MUSK: variants seen among roughly 807,000 people sequenced by gnomAD.
MUSK encodes the protein muscle associated receptor tyrosine kinase.
MUSK carries 55 observed loss-of-function variants against 88.7 expected under a neutral mutation model. The ratio of observed to expected loss-of-function variants is 0.62; its 90% confidence interval spans 0.50 to 0.78. The LOEUF is 0.78. Among genes scored for constraint, MUSK ranks in the 30% least tolerant of loss-of-function variants. MUSK has a pLI of 0.00. For missense variants in MUSK, 1,015 were observed against 1,074.3 expected (o/e 0.94, Z 0.77); for synonymous variants, 387 against 391.9 (o/e 0.99, Z 0.15).
chr9:110,747,794 A>G lies in MUSK; in HGVS notation c.907A>G (p.Ile303Val), dbSNP rs1192511364. The G allele has an allele frequency of 6.2e-7, 1 of 1,613,762 alleles. No individual in the cohort carries two copies. The highest frequency in any genetic ancestry group is 8.5e-7 in the Non-Finnish European group (1 of 1,179,714). The change falls in exon 7 of 15, where the codon ATA (isoleucine) becomes GTA (valine). Residue 303 changes from isoleucine to valine, a missense_variant. Physicochemically the swap from Ile to Val is conservative, Grantham distance 29. Coordinates refer to ENST00000374448, the MANE Select transcript of MUSK (RefSeq NM_005592.4). ...STAKAAATISIAEWSKPQKDN... is the reference protein window; with the variant it reads ...STAKAAATISVAEWSKPQKDN... ...TGCCAAGGCTGCAGCCACCATCAGC[A>G]TAGCAGGTAGGATGCCCCTTCACAT...
In MUSK at chr9:110,806,013, TA is replaced by T. The variant is rs952061245; in HGVS notation, c.*5032del. ...GAAAGTAATACATAAAAATGTTGTT[TA>T]AAAAAACTCACAAGAGGGTAAAAAT... On this transcript the variant is annotated 3_prime_UTR_variant, in exon 15 of 15. Transcript: ENST00000374448. Among the ~76,000 whole-genome samples, 2 of 151,984 alleles carry T rather than the reference TA, an allele frequency of 1.3e-5. No homozygotes were observed. The highest frequency in any genetic ancestry group is 2.4e-5 in the African/African-American group (1 of 41,420).
chr9:110,692,128 GT>G (rs1456869755), intron 3 of MUSK, among the ~76,000 whole-genome samples: 2 of 151,210 alleles, frequency 1.3e-5, no homozygotes, highest in African/African-American at 4.9e-5. Flanking sequence ...GGTGGGCCTT[GT>G]TTTTTTGTTT....
intron 7 of MUSK, among the ~76,000 whole-genome samples, chr9:110,756,268 A>G (rs2077323194): frequency 6.6e-6 from 1 of 151,954 alleles, no homozygotes. Flanking sequence ...TGTATTGCAC[A>G]GTGCCCTGAT....
intron 5 of MUSK, among the ~76,000 whole-genome samples, chr9:110,712,789 T>C (rs540217572): frequency 6.6e-6 from 1 of 152,324 alleles, no homozygotes; most frequent in Non-Finnish European, 1.5e-5. Flanking sequence ...ATGCCTACTA[T>C]GTTCTATGCA....
intron 7 of MUSK, among the ~76,000 whole-genome samples, chr9:110,757,642 A>G (rs2509189): frequency 4.3e-5 from 5 of 116,264 alleles, no homozygotes; most frequent in East Asian, 2.1e-4. Context: ...TTCTTTAGCC[A>G]ATTTGTCAAA....
chr9:110,694,384 TCA>T (rs2076400863), intron 3 of MUSK, among the ~76,000 whole-genome samples: 1 of 56,472 alleles, frequency 1.8e-5, no homozygotes. Context: ...AGACTCCGTC[TCA>T]AAAAAAAAAA....
intron 11 of MUSK, among the ~76,000 whole-genome samples, chr9:110,779,500 C>A (rs2077720469): frequency 6.6e-6 from 1 of 152,042 alleles, no homozygotes; most frequent in African/African-American, 2.4e-5. Context: ...TTAACTTTTT[C>A]TTTTGCAACT....
intron 5 of MUSK, among the ~76,000 whole-genome samples, chr9:110,712,966 A>C (rs2076692428): frequency 6.6e-6 from 1 of 152,204 alleles, no homozygotes; most frequent in African/African-American, 2.4e-5. Context: ...AGATAGGGAA[A>C]GGTCAGGGAA....
At chr9:110,782,650 T>G (rs1247613646) in intron 11 of MUSK, among the ~76,000 whole-genome samples, 1 of 152,208 alleles carries the variant, frequency 6.6e-6, no homozygotes, top group African/African-American at 2.4e-5. Context: ...CTTTTAATAA[T>G]TGTTCCAACT....
intron 1 of MUSK, among the ~76,000 whole-genome samples, chr9:110,670,494 C>T (rs2075943265): frequency 6.6e-6 from 1 of 152,094 alleles, no homozygotes; most frequent in Non-Finnish European, 1.5e-5. Flanking sequence ...ACACACAAAA[C>T]CCCCAAAATC....
chr9:110,717,583 T>C (rs1336650131), intron 5 of MUSK, among the ~76,000 whole-genome samples: 1 of 150,268 alleles, frequency 6.7e-6, no homozygotes, highest in Non-Finnish European at 1.5e-5. Flanking sequence ...GCCTTTTTTC[T>C]TCTGTTTCCA....
chr9:110,800,207 G>C, intron 14 of MUSK, 99 bp from the exon 15 acceptor site: 2 of 1,050,122 alleles, frequency 1.9e-6, no homozygotes, highest in Non-Finnish European at 2.8e-6. Context: ...CAAAAAACAG[G>C]GCTTCATATG....
intron 5 of MUSK, 29 bp from the exon 6 acceptor site, chr9:110,734,222 G>A (rs753094414): frequency 1.3e-5 from 21 of 1,594,058 alleles, no homozygotes; most frequent in Middle Eastern, 1.7e-4. Context: ...CTGCAGGAGC[G>A]TCACTCACCA....
chr9:110,688,917 T>C (rs1299913831), intron 3 of MUSK, among the ~76,000 whole-genome samples: 3 of 146,716 alleles, frequency 2.0e-5, no homozygotes, highest in East Asian at 3.9e-4. Context: ...TTTTGTTATA[T>C]ATATTTATAT....
chr9:110,755,653 C>T (rs975716207), intron 7 of MUSK, among the ~76,000 whole-genome samples: 6 of 152,022 alleles, frequency 3.9e-5, no homozygotes, highest in Admixed American at 3.9e-4. Context: ...CTGCTTCACT[C>T]TCTCCACTGC....
At chr9:110,685,761 A>G (rs1032910615) in intron 2 of MUSK, among the ~76,000 whole-genome samples, 3 of 152,162 alleles carry the variant, frequency 2.0e-5, no homozygotes, top group Non-Finnish European at 2.9e-5. Context: ...TTTCTCTACC[A>G]TGGAACTCTC....
In MUSK at chr9:110,800,834, A is replaced by G. The variant is rs757577755; in HGVS notation, c.2456A>G (p.Asn819Ser). 1 of 1,611,874 alleles carries G rather than the reference A, an allele frequency of 6.2e-7. No individual in the cohort carries two copies. Among genetic ancestry groups the G allele is most frequent in the Admixed American group, 1.7e-5 (1 of 59,940 alleles). Residue 819 changes from asparagine to serine, a missense_variant, in exon 15 of 15, where the codon AAC becomes AGC. Physicochemically the swap from Asn to Ser is conservative, Grantham distance 46. Coordinates refer to ENST00000374448, the MANE Select transcript of MUSK (RefSeq NM_005592.4). ...GTCATTTACTACGTGCGAGATGGCA[A>G]CATCCTCTCCTGCCCTGAGAACTGC... Reference protein sequence around the residue: ...EEVIYYVRDGNILSCPENCPV... With the variant: ...EEVIYYVRDGSILSCPENCPV...
At chr9:110,678,364 A>T (rs2131637871) in intron 1 of MUSK, among the ~76,000 whole-genome samples, 1 of 152,004 alleles carries the variant, frequency 6.6e-6, no homozygotes, top group Non-Finnish European at 1.5e-5. Flanking sequence ...CCTTCAGTGG[A>T]TCCTTCTGGG....
chr9:110,717,174 C>T (rs2076755181), intron 5 of MUSK, among the ~76,000 whole-genome samples: 2 of 149,376 alleles, frequency 1.3e-5, no homozygotes, highest in South Asian at 2.1e-4. Flanking sequence ...TTTCTTTTCT[C>T]TGCTTCTTTT....
Sources: allele counts gnomAD v4.1 joint callset (sites outside exome capture counted in the v4.1 genomes callset), GRCh38; gene constraint gnomAD v4.1.1; transcripts MANE v1.5; gene names NCBI Gene and HGNC (gene_info 2026-07-23, HGNC 2026-07-21).